UGT1A7: variants seen among roughly 807,000 people sequenced by gnomAD.
The protein encoded by UGT1A7 is UDP-glucuronosyltransferase 1A7.
A neutral mutation model predicts 45.6 loss-of-function variants in UGT1A7; 33 were observed. The ratio of observed to expected loss-of-function variants is 0.72; its 90% confidence interval spans 0.55 to 0.97. UGT1A7 has a LOEUF of 0.97. UGT1A7 is among the 50% of genes least tolerant of loss of function. The pLI, the probability that UGT1A7 is intolerant of heterozygous loss-of-function variation, is 0.00. For synonymous variants in UGT1A7, 274 were observed against 250.6 expected (o/e 1.09, Z -0.88); for missense variants, 684 against 666.2 (o/e 1.03, Z -0.29).
At chr2:233,687,735 T>C (rs2074861022) in intron 1 of UGT1A7, among the ~76,000 whole-genome samples, 1 of 151,990 alleles carries the variant, frequency 6.6e-6, no homozygotes, top group Non-Finnish European at 1.5e-5. Flanking sequence ...AGACACTGTC[T>C]CTACAAAAAA....
intron 1 of UGT1A7, among the ~76,000 whole-genome samples, chr2:233,697,092 C>G (rs1373676838): frequency 6.6e-6 from 1 of 151,956 alleles, no homozygotes; most frequent in Non-Finnish European, 1.5e-5. Flanking sequence ...ACTGGTCTCA[C>G]AGGATGAGTT....
rs191471887 is a variant in UGT1A7, at chr2:233,760,476, C to T, written c.856-6558C>T. 6.3e-5 allele frequency: 102 copies of T among 1,614,200 alleles called. 1 individual carries two copies. In the East Asian group the frequency reaches 1.9e-3, roughly 30 times the overall value. On this transcript the variant is annotated intron_variant, in intron 1 of 4. Transcript: ENST00000373426. ...ATGAAATAGTTGTCCTAGCACCTGA[C>T]GCCTCGTTGTACATCAGAGACGGAG...
intron 1 of UGT1A7, among the ~76,000 whole-genome samples, chr2:233,686,736 G>A (rs1365120350): frequency 6.6e-6 from 1 of 152,116 alleles, no homozygotes; most frequent in Non-Finnish European, 1.5e-5. Flanking sequence ...TCAACCTCTT[G>A]CCTTCCCTAG....
intron 1 of UGT1A7, chr2:233,729,134 C>G (rs143371539): frequency 2.7e-5 from 44 of 1,613,172 alleles, no homozygotes; most frequent in Middle Eastern, 1.8e-4. Flanking sequence ...GAGATGGCCA[C>G]AGGACTCCAG....
rs1700558646 is a variant in UGT1A7, at chr2:233,772,951, T to C, written c.*392T>C. The stretch of plus-strand genomic sequence containing the variant: ...AATCTTATCTTTTGGCTTCTGCAGA[T>C]GGTTGCAATTGATCCTTAACCAATA... On this transcript the variant is annotated 3_prime_UTR_variant, in exon 5 of 5. Transcript: ENST00000373426. 1 of 322,076 alleles carries C rather than the reference T, an allele frequency of 3.1e-6. No homozygotes were observed. Among genetic ancestry groups the C allele is most frequent in the South Asian group, 3.1e-5 (1 of 32,036 alleles). The allele number at this position is 322,076 out of a possible 1,614,324, so 20.0% of individuals were successfully genotyped here. A position where few individuals can be genotyped will look rare whatever the true frequency, so the allele number is the denominator to read the frequency against.
chr2:233,702,602 A>G (rs2075695766), intron 1 of UGT1A7, among the ~76,000 whole-genome samples: 1 of 152,128 alleles, frequency 6.6e-6, no homozygotes, highest in Non-Finnish European at 1.5e-5. Flanking sequence ...TTTTTTGAGT[A>G]GATGCCCCCC....
Position 233,682,291 on chromosome 2 carries a change from C to T in UGT1A7, c.354C>T (p.Asp118=), listed in dbSNP as rs773715272. 20 of 1,614,018 alleles carry T rather than the reference C, an allele frequency of 1.2e-5. No individual in the cohort carries two copies. The highest frequency in any genetic ancestry group is 2.7e-5 in the African/African-American group (2 of 74,922). ...CAAGTTCATCCAATGGTATTTTTGA[C>T]TTATTTTTTTCAAATTGCAGGAGTT... ...LLTSSSNGIF[D]LFFSNCRSLF... The change falls in exon 1 of 5, where the codon GAC becomes GAT. Residue 118 remains aspartate, a synonymous_variant. Coordinates refer to ENST00000373426, the MANE Select transcript of UGT1A7 (RefSeq NM_019077.3).
chr2:233,769,506 T>A lies in UGT1A7; in HGVS notation c.1295+1067T>A. On this transcript the variant is annotated intron_variant, in intron 4 of 4. Coordinates refer to ENST00000373426, the MANE Select transcript of UGT1A7 (RefSeq NM_019077.3). The surrounding 1 kb of genome is among the most constrained non-coding windows in gnomAD (Gnocchi z 4.4). ...GTGTGTTTATGAGAGTGTCCATTGCTTTCTCCCATGGTTACCTCCTTTAGA... is the reference window on the plus strand; with the variant it reads ...GTGTGTTTATGAGAGTGTCCATTGCATTCTCCCATGGTTACCTCCTTTAGA... The A allele has an allele frequency of 6.2e-7, 1 of 1,612,780 alleles. No individual in the cohort carries two copies. Among genetic ancestry groups the A allele is most frequent in the Non-Finnish European group, 8.5e-7 (1 of 1,179,850 alleles).
intron 1 of UGT1A7, among the ~76,000 whole-genome samples, chr2:233,728,857 A>G (rs1164474909): frequency 6.6e-6 from 1 of 152,224 alleles, no homozygotes; most frequent in Admixed American, 6.5e-5. Flanking sequence ...TGGATGAGAA[A>G]CAAGAGCTTG....
chr2:233,743,981 G>A, intron 1 of UGT1A7: 4 of 1,297,888 alleles, frequency 3.1e-6, no homozygotes, highest in Non-Finnish European at 3.0e-6. Context: ...CAGCACCCAG[G>A]CGCAGGCCCG....
At chr2:233,685,147 A>G (rs2074725363) in intron 1 of UGT1A7, among the ~76,000 whole-genome samples, 1 of 152,174 alleles carries the variant, frequency 6.6e-6, no homozygotes, top group Non-Finnish European at 1.5e-5. Context: ...ATGTAATTAA[A>G]TACTTTAACA....
chr2:233,707,392 C>G (rs985802582), intron 1 of UGT1A7, among the ~76,000 whole-genome samples: 5 of 152,036 alleles, frequency 3.3e-5, no homozygotes, highest in Non-Finnish European at 7.4e-5. Context: ...ATGAGCTATT[C>G]TTTTTGATGT....
chr2:233,755,835 G>A (rs1438571974), intron 1 of UGT1A7: 4 of 152,284 alleles, frequency 2.6e-5, no homozygotes, highest in Non-Finnish European at 5.9e-5. Context: ...TATTCATTGG[G>A]CAATTTAAGA....
chr2:233,754,865 T>C, intron 1 of UGT1A7: 1 of 1,351,074 alleles, frequency 7.4e-7, no homozygotes, highest in Non-Finnish European at 9.9e-7. Flanking sequence ...GTGCAGACCC[T>C]CTGCTTCTGC....
At position 233,699,208 on chromosome 2, in the gene UGT1A7, A is replaced by G. The variant is rs75951571; in HGVS notation, c.855+16416A>G. On this transcript the variant is annotated intron_variant, in intron 1 of 4. Coordinates refer to ENST00000373426, the MANE Select transcript of UGT1A7 (RefSeq NM_019077.3). ...CTTCTTCAGAATCTCATGCTGTTGC[A>G]TGAAAAAAAAACAAAAACGAACTTT... Among the ~76,000 whole-genome samples the G allele has an allele frequency of 2.6e-5, 4 of 151,942 alleles. No homozygotes were observed. The East Asian group carries it at 5.8e-4, about 22-fold the overall frequency.
chr2:233,727,005 A>G (rs937597843), intron 1 of UGT1A7, among the ~76,000 whole-genome samples: 3 of 152,154 alleles, frequency 2.0e-5, no homozygotes, highest in African/African-American at 7.2e-5. Context: ...GCAAAGTTTT[A>G]TCATTTGTTG....
intron 1 of UGT1A7, among the ~76,000 whole-genome samples, chr2:233,730,785 G>C (rs1273458809): frequency 1.3e-5 from 2 of 152,122 alleles, no homozygotes; most frequent in Non-Finnish European, 2.9e-5. Flanking sequence ...TGAAGCTGGG[G>C]ACAGTGATGA....
intron 1 of UGT1A7, chr2:233,755,162 G>T (rs1267717516): frequency 7.8e-7 from 1 of 1,279,938 alleles, no homozygotes; most frequent in Non-Finnish European, 1.1e-6. Context: ...CCCTGTCCTC[G>T]GGGTTTTTGT....
intron 1 of UGT1A7, among the ~76,000 whole-genome samples, chr2:233,714,888 A>ATCTTTTTTTTTTT (rs148944858): frequency 1.3e-5 from 2 of 151,902 alleles, no homozygotes; most frequent in Admixed American, 6.6e-5. Flanking sequence ...AAATTTTTCT[A>ATCTTTTTTTTTTT]TCTTTTGAGA....
Sources: gnomAD v4.1 joint callset for allele counts (sites outside exome capture counted in the v4.1 genomes callset) on GRCh38, gnomAD v4.1.1 for gene constraint, Gnocchi (gnomAD v3.1) non-coding constraint, MANE v1.5 for transcripts, NCBI Gene and HGNC (gene_info 2026-07-23, HGNC 2026-07-21) for gene names.